The following ASIC2 variants were observed in gnomAD, a reference collection of about 807,000 sequenced individuals.
The protein encoded by ASIC2 is acid sensing ion channel subunit 2, also known as acid-sensing ion channel 2.
In ASIC2, 25 loss-of-function variants were observed where a neutral mutation model predicts 57.3. The observed-to-expected ratio is 0.44, with a 90% confidence interval of 0.32 to 0.61. ASIC2 has a LOEUF of 0.61. Among genes scored for constraint, ASIC2 ranks in the 20% least tolerant of loss-of-function variants. ASIC2 has a pLI of 0.06. For missense variants in ASIC2, 641 were observed against 738.1 expected (o/e 0.87, Z 1.52); for synonymous variants, 319 against 307.5 (o/e 1.04, Z -0.39).
At chr17:33,230,609 T>C (rs962486030) in intron 1 of ASIC2, among the ~76,000 whole-genome samples, 1 of 152,172 alleles carries the variant, frequency 6.6e-6, no homozygotes, top group Admixed American at 6.5e-5. Context: ...AGCCTCTGTT[T>C]TCCTTGCTGT....
intron 1 of ASIC2, among the ~76,000 whole-genome samples, chr17:33,115,505 C>T (rs1388816232): frequency 1.3e-5 from 2 of 152,132 alleles, no homozygotes; most frequent in Admixed American, 6.5e-5. Flanking sequence ...TCTTCAGTCC[C>T]CAGGATGTGC....
chr17:33,260,090 G>T (rs955959817), intron 1 of ASIC2, among the ~76,000 whole-genome samples: 6 of 152,140 alleles, frequency 3.9e-5, no homozygotes, highest in African/African-American at 1.4e-4. Context: ...AGTGAGCTAT[G>T]ATCATACCAC....
intron 1 of ASIC2, among the ~76,000 whole-genome samples, chr17:33,597,832 G>T (rs899903419): frequency 6.6e-6 from 1 of 152,120 alleles, no homozygotes; most frequent in Non-Finnish European, 1.5e-5. Context: ...TCATCCCCTT[G>T]TATTCTGTCC....
At chr17:33,341,045 C>T (rs1173763209) in intron 1 of ASIC2, among the ~76,000 whole-genome samples, 3 of 152,128 alleles carry the variant, frequency 2.0e-5, no homozygotes, top group East Asian at 1.9e-4. Context: ...GAGCCAATCC[C>T]CTTGTCCTAA....
intron 1 of ASIC2, among the ~76,000 whole-genome samples, chr17:33,879,170 C>T (rs1914631739): frequency 1.3e-5 from 2 of 152,196 alleles, no homozygotes; most frequent in African/African-American, 4.8e-5. Flanking sequence ...ACTGTAAAGA[C>T]TACTGAGGCT....
chr17:33,263,011 T>C (rs1909339489), intron 1 of ASIC2, among the ~76,000 whole-genome samples: 1 of 152,218 alleles, frequency 6.6e-6, no homozygotes, highest in Admixed American at 6.5e-5. Context: ...TCATGGATGT[T>C]TGCTCCGTAA....
intron 1 of ASIC2, among the ~76,000 whole-genome samples, chr17:33,434,180 G>A (rs1911522314): frequency 6.6e-6 from 1 of 151,504 alleles, no homozygotes; most frequent in South Asian, 2.1e-4. Flanking sequence ...TGGTATTTGA[G>A]AGAAAATGAA....
At chr17:33,343,252 C>T (rs1465121102) in intron 1 of ASIC2, among the ~76,000 whole-genome samples, 1 of 152,204 alleles carries the variant, frequency 6.6e-6, no homozygotes, top group Non-Finnish European at 1.5e-5. Flanking sequence ...ACCTAAAAGG[C>T]TCTCCTCCAG....
chr17:34,039,894 T>C (rs568077093), intron 1 of ASIC2: 19 of 1,576,732 alleles, frequency 1.2e-5, no homozygotes, highest in Admixed American at 3.3e-5. Flanking sequence ...CCGCCGCCGC[T>C]GCCGCTCCAC....
At chr17:34,124,206 A>C (rs566911041) in intron 1 of ASIC2, among the ~76,000 whole-genome samples, 8 of 152,236 alleles carry the variant, frequency 5.3e-5, no homozygotes, top group Non-Finnish European at 1.2e-4. Flanking sequence ...AACAGAAAGA[A>C]TACAGGAAAG....
intron 1 of ASIC2, among the ~76,000 whole-genome samples, chr17:33,254,013 G>A (rs117243238): frequency 0.018 from 2,755 of 152,294 alleles, 58 homozygotes; most frequent in Middle Eastern, 0.034. Flanking sequence ...ACAGGGGACA[G>A]CTGTAGAAGA....
intron 1 of ASIC2, among the ~76,000 whole-genome samples, chr17:33,776,531 G>T (rs901974699): frequency 1.3e-4 from 20 of 152,242 alleles, no homozygotes; most frequent in Admixed American, 9.2e-4. Context: ...AGGATGCAGA[G>T]TTACATTTGA....
chr17:33,472,989 T>C (rs1015600257), intron 1 of ASIC2, among the ~76,000 whole-genome samples: 2 of 152,200 alleles, frequency 1.3e-5, no homozygotes, highest in South Asian at 4.1e-4. Context: ...GGAATACTAA[T>C]AGTTTCCTGG....
At chr17:34,018,133 G>T (rs1336345971) in intron 1 of ASIC2, among the ~76,000 whole-genome samples, 1 of 152,192 alleles carries the variant, frequency 6.6e-6, no homozygotes, top group Admixed American at 6.5e-5. Flanking sequence ...TCTGAATGCA[G>T]TCAGAGACTT....
rs73982414 is a variant in ASIC2 at position 33,064,977 on chromosome 17, A to G, written c.987+23886T>C. 5.8e-3 allele frequency among the ~76,000 whole-genome samples: 886 copies of G among 152,254 alleles called. 8 individuals carry two copies. The highest frequency in any genetic ancestry group is 0.02 in the African/African-American group (834 of 41,556). On this transcript the variant is annotated intron_variant, in intron 3 of 9. Coordinates refer to ENST00000225823, the MANE Select transcript of ASIC2 (RefSeq NM_183377.2). ...TGATTGAGAACATGGAGTTACAGAG[A>G]GGCTTGGGCTTGAATTAGAGCCCAG...
chr17:33,495,607 T>C (rs1913905956), intron 1 of ASIC2, among the ~76,000 whole-genome samples: 1 of 152,162 alleles, frequency 6.6e-6, no homozygotes, highest in African/African-American at 2.4e-5. Flanking sequence ...CCTGCTTCAA[T>C]CCCTTCAGTA....
chr17:34,075,747 T>C (rs1026160857), intron 1 of ASIC2, among the ~76,000 whole-genome samples: 7 of 151,914 alleles, frequency 4.6e-5, no homozygotes, highest in African/African-American at 1.7e-4. Flanking sequence ...CTTAGAGCCT[T>C]TGCACCGGCT....
chr17:33,726,164 T>C (rs1228040770), intron 1 of ASIC2, among the ~76,000 whole-genome samples: 1 of 152,148 alleles, frequency 6.6e-6, no homozygotes, highest in East Asian at 1.9e-4. Context: ...GTCAGAAAAC[T>C]GCCAAAGCTT....
chr17:33,418,028 A>ATGTGTG lies in ASIC2; in HGVS notation c.556-305967_556-305962dup, dbSNP rs1161141315. On this transcript the variant is annotated intron_variant, in intron 1 of 9. Transcript: ENST00000359872. ...CCACTCTGGCTCTCAGCATGTATGT[A>ATGTGTG]TGTGTGTGTGTGTGTGTGTGTGTGT... 4.5e-3 allele frequency among the ~76,000 whole-genome samples: 305 copies of ATGTGTG among 67,712 alleles called. 1 individual carries two copies. The highest frequency in any genetic ancestry group is 0.012 in the South Asian group (24 of 1,944). The allele number at this position is 67,712 out of a possible 152,430, so 44.4% of individuals were successfully genotyped here.
Sources: gnomAD v4.1 joint callset for allele counts (sites outside exome capture counted in the v4.1 genomes callset) on GRCh38, gnomAD v4.1.1 for gene constraint, MANE v1.5 for transcripts, NCBI Gene and HGNC (gene_info 2026-07-23, HGNC 2026-07-21) for gene names.